The following ZPBP variants were observed in gnomAD, a reference collection of about 807,000 sequenced individuals.
The protein encoded by ZPBP is zona pellucida binding protein.
In ZPBP, 26 loss-of-function variants were observed where a neutral mutation model predicts 44.8. The observed-to-expected ratio is 0.58, with a 90% CI of 0.43 to 0.81. The LOEUF (loss-of-function observed/expected upper bound fraction) is 0.81, where lower values mean the gene tolerates loss of function less well. Ranked by LOEUF, ZPBP falls within the 30% of genes least tolerant of loss-of-function variation. The pLI, the probability that ZPBP is intolerant of heterozygous loss-of-function variation, is 0.00. For missense variants in ZPBP, 409 were observed against 434.0 expected, an observed-to-expected ratio of 0.94 and a Z score of 0.51; for synonymous variants, 174 against 153.2, an observed-to-expected ratio of 1.14 and a Z score of -1.00.
At chr7:49,941,945 G>A (rs986439494) in intron 7 of ZPBP, among the ~76,000 whole-genome samples, 5 of 152,096 alleles carry the variant, frequency 3.3e-5, no homozygotes, top group Non-Finnish European at 5.9e-5. Flanking sequence ...AGAAAGCCCA[G>A]TAATAAATCC....
chr7:49,856,912 G>A (rs1004303494), intron 2 of ZPBP, among the ~76,000 whole-genome samples: 11 of 149,954 alleles, frequency 7.3e-5, no homozygotes, highest in Admixed American at 6.7e-5. Flanking sequence ...GGGAGGCTGA[G>A]GCAGGAGAAT....
chr7:49,993,698 A>T (rs532853022), intron 6 of ZPBP, among the ~76,000 whole-genome samples: 15 of 152,294 alleles, frequency 9.8e-5, no homozygotes, highest in African/African-American at 3.4e-4. Context: ...GAATGGTGCC[A>T]TGTAAAAGGG....
chr7:49,980,067 T>A (rs1409431646), intron 7 of ZPBP, among the ~76,000 whole-genome samples: 1 of 10,806 alleles, frequency 9.3e-5, no homozygotes, highest in African/African-American at 4.3e-4. Flanking sequence ...TTATATTATA[T>A]TATAATATAT....
At position 49,901,930 on chromosome 7, in the gene ZPBP, A is replaced by G. The variant is rs571456635; in HGVS notation, n.412-715T>C. Among the ~76,000 whole-genome samples the G allele has an allele frequency of 2.9e-5, 4 of 139,644 alleles. No homozygotes were observed. In the South Asian group the frequency reaches 9.4e-4, roughly 33 times the overall value. The allele number at this position is 139,644 out of a possible 152,430, so 91.6% of individuals were successfully genotyped here. ...TTGCTAACAGAGTAAACATAGTACA[A>G]TGGAACAATGATAGTTTTTTCAACG... On this transcript the variant is annotated intron_variant and non_coding_transcript_variant, in intron 1 of 2. Coordinates refer to the ZPBP transcript ENST00000465922.
intron 2 of ZPBP, among the ~76,000 whole-genome samples, chr7:49,888,898 C>A (rs778680069): frequency 1.3e-5 from 2 of 151,558 alleles, no homozygotes; most frequent in African/African-American, 4.9e-5. Flanking sequence ...GGGACAAGAG[C>A]GAGACTTCAT....
chr7:49,982,301 A>AAT (rs1491022641), intron 7 of ZPBP, among the ~76,000 whole-genome samples: 16 of 17,462 alleles, frequency 9.2e-4, no homozygotes, highest in African/African-American at 8.5e-3. Context: ...AATATATATA[A>AAT]TATATAATTA....
At chr7:50,066,973 G>T (rs1247111464) in intron 3 of ZPBP, among the ~76,000 whole-genome samples, 1 of 152,174 alleles carries the variant, frequency 6.6e-6, no homozygotes, top group Non-Finnish European at 1.5e-5. Flanking sequence ...TCCAAGGTGT[G>T]ACACCTGCAA....
At chr7:49,962,314 TA>T (rs1275148664) in intron 7 of ZPBP, among the ~76,000 whole-genome samples, 1 of 151,900 alleles carries the variant, frequency 6.6e-6, no homozygotes, top group East Asian at 1.9e-4. Context: ...TATTTTATAT[TA>T]GGGGAGTTTA....
At chr7:49,957,335 C>G (rs1795647808) in intron 7 of ZPBP, among the ~76,000 whole-genome samples, 1 of 152,182 alleles carries the variant, frequency 6.6e-6, no homozygotes, top group African/African-American at 2.4e-5. Flanking sequence ...CCTCTCATCA[C>G]AGGCCCAGAG....
intron 1 of ZPBP, among the ~76,000 whole-genome samples, chr7:49,911,307 C>T (rs989591954): frequency 6.6e-6 from 1 of 151,706 alleles, no homozygotes; most frequent in Non-Finnish European, 1.5e-5. Context: ...CATGGTGAAA[C>T]CCAATCTCTA....
At chr7:50,058,403 T>C (rs1222252904) in intron 3 of ZPBP, among the ~76,000 whole-genome samples, 1 of 152,190 alleles carries the variant, frequency 6.6e-6, no homozygotes, top group East Asian at 1.9e-4. Flanking sequence ...ATACAGAATA[T>C]GCTCCTAATC....
At chr7:49,993,518 A>G (rs1275504276) in intron 6 of ZPBP, among the ~76,000 whole-genome samples, 1 of 152,236 alleles carries the variant, frequency 6.6e-6, no homozygotes, top group African/African-American at 2.4e-5. Context: ...TAGTCTATGA[A>G]CAATAAATGT....
At chr7:49,987,518 G>A (rs1029560971) in intron 6 of ZPBP, among the ~76,000 whole-genome samples, 1 of 152,102 alleles carries the variant, frequency 6.6e-6, no homozygotes, top group Non-Finnish European at 1.5e-5. Flanking sequence ...AGGAATTAGA[G>A]GTGGCTAGAT....
intron 4 of ZPBP, among the ~76,000 whole-genome samples, chr7:50,041,939 C>T (rs1275699867): frequency 1.3e-5 from 2 of 151,990 alleles, no homozygotes; most frequent in Non-Finnish European, 2.9e-5. Context: ...AAGGGTTAGA[C>T]GAATTGCTAA....
intron 1 of ZPBP, among the ~76,000 whole-genome samples, chr7:49,907,144 T>C (rs981824935): frequency 6.6e-6 from 1 of 152,182 alleles, no homozygotes; most frequent in Non-Finnish European, 1.5e-5. Flanking sequence ...TTAAGAAGTA[T>C]GTTACCTTTT....
At chr7:50,028,222 A>C (rs1799423778) in intron 5 of ZPBP, among the ~76,000 whole-genome samples, 2 of 152,074 alleles carry the variant, frequency 1.3e-5, no homozygotes, top group Non-Finnish European at 2.9e-5. Flanking sequence ...GAATGCAAAG[A>C]TTGTTGAACA....
At chr7:49,903,292 A>G (rs1440588296) in intron 1 of ZPBP, among the ~76,000 whole-genome samples, 1 of 152,220 alleles carries the variant, frequency 6.6e-6, no homozygotes, top group Non-Finnish European at 1.5e-5. Context: ...ATGTTCACAG[A>G]AAATATTCAG....
At chr7:50,030,493 T>G (rs1799554820) in intron 5 of ZPBP, among the ~76,000 whole-genome samples, 1 of 120,966 alleles carries the variant, frequency 8.3e-6, no homozygotes, top group Non-Finnish European at 1.7e-5. Context: ...AGCAGAGAAA[T>G]AATAATTTAA....
intron 4 of ZPBP, among the ~76,000 whole-genome samples, chr7:50,032,664 A>G (rs1348914851): frequency 1.3e-5 from 2 of 152,178 alleles, no homozygotes; most frequent in Non-Finnish European, 2.9e-5. Context: ...CTTTTTCTTC[A>G]TGATAAAACT....
Sources: allele counts gnomAD v4.1 joint callset (sites outside exome capture counted in the v4.1 genomes callset), GRCh38; gene constraint gnomAD v4.1.1; transcripts MANE v1.5; gene names NCBI Gene and HGNC (gene_info 2026-07-23, HGNC 2026-07-21).